CTNNA3: variants seen among roughly 807,000 people sequenced by gnomAD.
CTNNA3 encodes the protein catenin alpha-3.
In CTNNA3, 76 loss-of-function variants were observed where a neutral mutation model predicts 95.7. The observed-to-expected ratio is 0.79, with a 90% CI of 0.66 to 0.96. CTNNA3 has a LOEUF of 0.96. Ranked by LOEUF, CTNNA3 falls within the 40% of genes least tolerant of loss-of-function variation. CTNNA3 has a pLI of 0.00. For missense variants in CTNNA3, 1,191 were observed against 1,089.8 expected, an observed-to-expected ratio of 1.09 and a Z score of -1.31; for synonymous variants, 431 against 374.4, an observed-to-expected ratio of 1.15 and a Z score of -1.74.
intron 17 of CTNNA3, among the ~76,000 whole-genome samples, chr10:65,929,968 GT>G (rs1425872602): frequency 6.6e-6 from 1 of 151,940 alleles, no homozygotes; most frequent in Non-Finnish European, 1.5e-5. Context: ...TCTACCCACG[GT>G]TGAAAATCCA....
chr10:67,291,216 T>G (rs912498459), intron 5 of CTNNA3, among the ~76,000 whole-genome samples: 1 of 152,148 alleles, frequency 6.6e-6, no homozygotes, highest in Admixed American at 6.6e-5. Context: ...AAATAATACA[T>G]GTACAATGCT....
chr10:67,719,494 T>G (rs1372394153), intron 1 of CTNNA3, among the ~76,000 whole-genome samples: 4 of 152,226 alleles, frequency 2.6e-5, no homozygotes, highest in East Asian at 1.9e-4. Context: ...ATTCTGGTAC[T>G]TTGTGTCTTT....
At chr10:66,877,750 T>C (rs1844680724) in intron 7 of CTNNA3, among the ~76,000 whole-genome samples, 1 of 152,144 alleles carries the variant, frequency 6.6e-6, no homozygotes, top group Non-Finnish European at 1.5e-5. Context: ...TGTCTTGATT[T>C]AGAAAAATAG....
intron 9 of CTNNA3, among the ~76,000 whole-genome samples, chr10:66,730,253 T>C (rs1848916949): frequency 1.3e-5 from 2 of 152,108 alleles, no homozygotes; most frequent in Admixed American, 6.6e-5. Context: ...ACATACACCA[T>C]GGAATACTAT....
At chr10:67,744,083 T>C (rs1159525847) in intron 1 of CTNNA3, among the ~76,000 whole-genome samples, 8 of 151,160 alleles carry the variant, frequency 5.3e-5, no homozygotes. Context: ...CTGCCCAAGG[T>C]AATTTATAGA....
At chr10:67,465,318 G>T (rs2133008333) in intron 5 of CTNNA3, among the ~76,000 whole-genome samples, 1 of 152,036 alleles carries the variant, frequency 6.6e-6, no homozygotes, top group Non-Finnish European at 1.5e-5. Context: ...CAAAATACCA[G>T]CTATAATACT....
chr10:67,315,316 G>C (rs1480437646), intron 5 of CTNNA3, among the ~76,000 whole-genome samples: 2 of 152,028 alleles, frequency 1.3e-5, no homozygotes, highest in Admixed American at 1.3e-4. Context: ...TGGGTGAGTT[G>C]GTTATTCAGC....
At chr10:67,494,619 A>T (rs1396714642) in intron 5 of CTNNA3, among the ~76,000 whole-genome samples, 4 of 152,212 alleles carry the variant, frequency 2.6e-5, no homozygotes, top group Non-Finnish European at 4.4e-5. Flanking sequence ...GCTGCCATTT[A>T]CTATTTGTGT....
chr10:66,633,635 C>G (rs552456675), intron 9 of CTNNA3, among the ~76,000 whole-genome samples: 148 of 151,962 alleles, frequency 9.7e-4, no homozygotes, highest in African/African-American at 2.9e-3. Context: ...AGCCGAGATC[C>G]TGCCACTGCA....
intron 2 of CTNNA3, among the ~76,000 whole-genome samples, chr10:67,637,854 C>T (rs1010875192): frequency 6.6e-6 from 1 of 152,126 alleles, no homozygotes; most frequent in Non-Finnish European, 1.5e-5. Flanking sequence ...AAAAGAGCTC[C>T]TGAAGGAAGC....
intron 13 of CTNNA3, among the ~76,000 whole-genome samples, chr10:66,199,287 A>G (rs987599069): frequency 3.3e-5 from 5 of 152,154 alleles, no homozygotes; most frequent in African/African-American, 9.7e-5. Flanking sequence ...AAGCATTATA[A>G]TATAACATAG....
intron 3 of CTNNA3, among the ~76,000 whole-genome samples, chr10:67,567,710 A>T (rs1040259858): frequency 3.2e-4 from 48 of 152,034 alleles, no homozygotes; most frequent in African/African-American, 1.2e-3. Flanking sequence ...CACGGGCTTC[A>T]TGTTCATGTA....
chr10:66,247,689 G>T (rs1399022353), intron 13 of CTNNA3, among the ~76,000 whole-genome samples: 2 of 152,156 alleles, frequency 1.3e-5, no homozygotes, highest in Non-Finnish European at 2.9e-5. Context: ...AAAGTGGCAT[G>T]ACATATTTAA....
intron 11 of CTNNA3, among the ~76,000 whole-genome samples, chr10:66,402,759 G>T (rs1434899966): frequency 6.6e-6 from 1 of 152,108 alleles, no homozygotes. Context: ...TTCCAGAGAT[G>T]CTTGCTTTCT....
intron 5 of CTNNA3, among the ~76,000 whole-genome samples, chr10:67,485,934 T>C (rs1462606474): frequency 6.6e-6 from 1 of 152,204 alleles, no homozygotes; most frequent in African/African-American, 2.4e-5. Context: ...GTGAAATTCA[T>C]ATTTTCCCTA....
chr10:66,093,320 C>T (rs563895682), intron 14 of CTNNA3, among the ~76,000 whole-genome samples: 33 of 152,152 alleles, frequency 2.2e-4, no homozygotes, highest in Non-Finnish European at 4.1e-4. Context: ...GCCTAGTGCA[C>T]TTGACATGTA....
intron 10 of CTNNA3, among the ~76,000 whole-genome samples, chr10:66,584,095 T>TGGGA (rs762279142): frequency 7.2e-5 from 11 of 151,988 alleles, no homozygotes; most frequent in Non-Finnish European, 1.5e-4. Flanking sequence ...TTTAGTGACC[T>TGGGA]ATCATATAAT....
At chr10:66,679,046 T>A (rs2394292) in intron 9 of CTNNA3, among the ~76,000 whole-genome samples, 1 of 151,926 alleles carries the variant, frequency 6.6e-6, no homozygotes, top group East Asian at 1.9e-4. Context: ...GGGTGTAATA[T>A]GGTCAATGTT....
intron 10 of CTNNA3, among the ~76,000 whole-genome samples, chr10:66,543,913 A>G (rs1449704404): frequency 0.021 from 119 of 5,750 alleles, no homozygotes; most frequent in African/African-American, 0.049. Context: ...GTGTGTGTGT[A>G]TATATATATA....
Sources: gnomAD v4.1 joint callset for allele counts (sites outside exome capture counted in the v4.1 genomes callset) on GRCh38, gnomAD v4.1.1 for gene constraint, MANE v1.5 for transcripts, NCBI Gene and HGNC (gene_info 2026-07-23, HGNC 2026-07-21) for gene names.